NAALADL2: variants seen among roughly 807,000 people sequenced by gnomAD.
NAALADL2 encodes the protein inactive N-acetylated-alpha-linked acidic dipeptidase-like protein 2.
Under a neutral mutation model 87.2 loss-of-function variants are expected in NAALADL2, and 76 were observed. That is an observed-to-expected ratio of 0.87 (90% confidence interval 0.72 to 1.05). The LOEUF is 1.05. NAALADL2 is among the 50% of genes least tolerant of loss of function. The pLI is 0.00. For missense variants in NAALADL2, 1,089 were observed against 945.8 expected, an observed-to-expected ratio of 1.15 and a Z score of -1.99; for synonymous variants, 354 against 331.0, an observed-to-expected ratio of 1.07 and a Z score of -0.75.
chr3:175,211,063 C>T (rs1454000798), intron 2 of NAALADL2, among the ~76,000 whole-genome samples: 1 of 151,728 alleles, frequency 6.6e-6, no homozygotes, highest in Non-Finnish European at 1.5e-5. Flanking sequence ...TTTTAATATT[C>T]TAACCAGGAT....
At chr3:175,479,212 G>A (rs934235844) in intron 9 of NAALADL2, among the ~76,000 whole-genome samples, 4 of 151,660 alleles carry the variant, frequency 2.6e-5, no homozygotes, top group Admixed American at 6.6e-5. Flanking sequence ...TGTTTGAATG[G>A]TTTGCTTGAA....
At chr3:175,499,486 AT>A (rs60695351) in intron 9 of NAALADL2, among the ~76,000 whole-genome samples, 10 of 150,066 alleles carry the variant, frequency 6.7e-5, no homozygotes, top group South Asian at 4.2e-4. Context: ...AACCTAAGGA[AT>A]TTTTTTTTTC....
At chr3:174,919,767 C>A (rs1390773492) in intron 1 of NAALADL2, among the ~76,000 whole-genome samples, 3 of 152,174 alleles carry the variant, frequency 2.0e-5, no homozygotes, top group African/African-American at 7.2e-5. Flanking sequence ...CCAGATCTAT[C>A]AGAGGAATCC....
chr3:174,657,116 A>G (rs1369737461), intron 2 of NAALADL2, among the ~76,000 whole-genome samples: 3 of 127,400 alleles, frequency 2.4e-5, no homozygotes, highest in Non-Finnish European at 4.7e-5. Flanking sequence ...TACAACCTCT[A>G]CCTCTTGTGC....
intron 5 of NAALADL2, among the ~76,000 whole-genome samples, chr3:175,333,316 C>A (rs1449856122): frequency 6.6e-6 from 1 of 152,136 alleles, no homozygotes; most frequent in Admixed American, 6.6e-5. Flanking sequence ...AGCTGTGTTG[C>A]AGCCCTATTT....
chr3:175,156,271 T>C (rs1028635241), intron 2 of NAALADL2, among the ~76,000 whole-genome samples: 16 of 148,056 alleles, frequency 1.1e-4, no homozygotes, highest in Admixed American at 9.5e-4. Context: ...CCAGAATGCT[T>C]TTGATGCATG....
At chr3:174,515,118 C>T (rs1299632716) in intron 1 of NAALADL2, among the ~76,000 whole-genome samples, 1 of 151,988 alleles carries the variant, frequency 6.6e-6, no homozygotes, top group African/African-American at 2.4e-5. Flanking sequence ...GAGTTTGGAG[C>T]AAGTTCTAAA....
At chr3:175,718,402 A>G in intron 11 of NAALADL2, 1 of 1,592,090 alleles carries the variant, frequency 6.3e-7, no homozygotes, top group Non-Finnish European at 8.6e-7. Flanking sequence ...CTCCATTCAT[A>G]TTAATTTTTG....
intron 3 of NAALADL2, among the ~76,000 whole-genome samples, chr3:174,781,345 G>A (rs1463618871): frequency 6.6e-6 from 1 of 151,734 alleles, no homozygotes; most frequent in Non-Finnish European, 1.5e-5. Flanking sequence ...GATGGGGGAA[G>A]TTCTCCTGGA....
chr3:175,266,312 TAATC>T (rs1751927207), intron 4 of NAALADL2, among the ~76,000 whole-genome samples: 1 of 151,276 alleles, frequency 6.6e-6, no homozygotes, highest in Non-Finnish European at 1.5e-5. Flanking sequence ...CACAAAATTT[TAATC>T]AATATTGGAA....
chr3:174,913,891 AT>A (rs1371157816), intron 1 of NAALADL2, among the ~76,000 whole-genome samples: 11 of 152,082 alleles, frequency 7.2e-5, no homozygotes, highest in Non-Finnish European at 2.9e-5. Flanking sequence ...GTCTTATCTA[AT>A]GGGGTGGTTT....
chr3:175,798,243 T>C (rs1753743821), intron 13 of NAALADL2, among the ~76,000 whole-genome samples: 1 of 152,042 alleles, frequency 6.6e-6, no homozygotes, highest in African/African-American at 2.4e-5. Context: ...ATTTCTACTA[T>C]TATAATAAAG....
chr3:174,441,263 T>C (rs1714589209), intron 1 of NAALADL2, among the ~76,000 whole-genome samples: 1 of 151,694 alleles, frequency 6.6e-6, no homozygotes, highest in Non-Finnish European at 1.5e-5. Context: ...CTCCGCGGGG[T>C]GGCGCGCGGG....
intron 2 of NAALADL2, among the ~76,000 whole-genome samples, chr3:175,176,700 G>C (rs1203327387): frequency 5.5e-4 from 84 of 152,054 alleles, no homozygotes; most frequent in Admixed American, 5.5e-3. Context: ...GAGAGGAAGG[G>C]AGAATTTAAA....
At chr3:175,657,650 G>A (rs1207482523) in intron 11 of NAALADL2, among the ~76,000 whole-genome samples, 10 of 151,242 alleles carry the variant, frequency 6.6e-5, no homozygotes, top group Admixed American at 5.3e-4. Context: ...GCACGATCTG[G>A]GCTCACTGCA....
intron 1 of NAALADL2, chr3:175,059,289 C>G (rs1712917023): frequency 6.6e-6 from 1 of 151,648 alleles, no homozygotes; most frequent in Non-Finnish European, 1.5e-5. Flanking sequence ...CAATAGGAGA[C>G]TTTGAGCTGT....
chr3:174,771,566 C>G (rs767323027), intron 3 of NAALADL2, among the ~76,000 whole-genome samples: 2 of 152,054 alleles, frequency 1.3e-5, no homozygotes, highest in African/African-American at 4.8e-5. Flanking sequence ...AAAGGAATGG[C>G]GAAACATGCA....
chr3:175,582,311 A>G (rs1188860962), intron 10 of NAALADL2, among the ~76,000 whole-genome samples: 1 of 152,202 alleles, frequency 6.6e-6, no homozygotes, highest in African/African-American at 2.4e-5. Context: ...ATATTTTGAA[A>G]TGGCTGCAAG....
At chr3:174,830,257 G>A (rs370530314) in intron 3 of NAALADL2, among the ~76,000 whole-genome samples, 6 of 147,762 alleles carry the variant, frequency 4.1e-5, no homozygotes, top group South Asian at 2.2e-4. Context: ...TAGGTCTAAC[G>A]TTTAAGTCTT....
Sources: gnomAD v4.1 joint callset for allele counts (sites outside exome capture counted in the v4.1 genomes callset) on GRCh38, gnomAD v4.1.1 for gene constraint, MANE v1.5 for transcripts, NCBI Gene and HGNC (gene_info 2026-07-23, HGNC 2026-07-21) for gene names.